The following PRELID2 variants were observed in gnomAD, a reference collection of about 807,000 sequenced individuals.
PRELID2 encodes the protein PRELI domain containing 2.
PRELID2 carries 25 observed loss-of-function variants against 28.4 expected under a neutral mutation model. The observed-to-expected ratio is 0.88, with a 90% CI of 0.64 to 1.23. The LOEUF (loss-of-function observed/expected upper bound fraction) is 1.23. Ranked by LOEUF, PRELID2 falls within the 50% of genes most tolerant of loss-of-function variation. The pLI is 0.00. For missense variants in PRELID2, 201 were observed against 214.4 expected, an observed-to-expected ratio of 0.94 and a Z score of 0.39; for synonymous variants, 76 against 71.6, an observed-to-expected ratio of 1.06 and a Z score of -0.31.
intron 1 of PRELID2, among the ~76,000 whole-genome samples, chr5:145,632,531 C>T (rs1034625520): frequency 6.6e-6 from 1 of 152,120 alleles, no homozygotes; most frequent in Non-Finnish European, 1.5e-5. Flanking sequence ...TATCATATCA[C>T]TTGTGACTCT....
At chr5:145,389,235 CTGAT>C in the PRELID2 span, among the ~76,000 whole-genome samples, 3 of 152,064 alleles carry the variant, frequency 2.0e-5, no homozygotes, top group Non-Finnish European at 4.4e-5. Flanking sequence ...TCAAAAATGA[CTGAT>C]TGATTGATTC....
intron 1 of PRELID2, among the ~76,000 whole-genome samples, chr5:145,663,497 G>A (rs911719174): frequency 5.3e-5 from 8 of 152,136 alleles, no homozygotes; most frequent in Non-Finnish European, 8.8e-5. Flanking sequence ...GAAGCTTCAC[G>A]GAGGAAGGGA....
intron 4 of PRELID2, among the ~76,000 whole-genome samples, chr5:145,800,303 C>CAT (rs1753045080): frequency 7.1e-6 from 1 of 140,510 alleles, no homozygotes; most frequent in Non-Finnish European, 1.5e-5. Flanking sequence ...CCTTCTCTTA[C>CAT]ACACACACAC....
chr5:145,334,456 C>T, the PRELID2 span, among the ~76,000 whole-genome samples: 74 of 152,096 alleles, frequency 4.9e-4, no homozygotes, highest in Admixed American at 5.9e-4. Flanking sequence ...TTTAAAAATA[C>T]TTTTGTCTTT....
chr5:145,261,967 A>T, the PRELID2 span, among the ~76,000 whole-genome samples: 2 of 152,188 alleles, frequency 1.3e-5, no homozygotes, highest in Non-Finnish European at 2.9e-5. Context: ...TGAATGGAAA[A>T]ATCTCCAGTG....
the PRELID2 span, among the ~76,000 whole-genome samples, chr5:145,347,926 A>G: frequency 6.6e-6 from 1 of 152,096 alleles, no homozygotes; most frequent in Non-Finnish European, 1.5e-5. Flanking sequence ...TGAGGGAAAG[A>G]CGCTTTACCA....
At chr5:145,230,206 C>T in the PRELID2 span, among the ~76,000 whole-genome samples, 2 of 152,076 alleles carry the variant, frequency 1.3e-5, no homozygotes, top group Non-Finnish European at 2.9e-5. Flanking sequence ...CGTGGTCCCC[C>T]CAAAGCCTGT....
At chr5:145,353,773 G>A in the PRELID2 span, among the ~76,000 whole-genome samples, 168 of 152,220 alleles carry the variant, frequency 1.1e-3, no homozygotes, top group Non-Finnish European at 2.2e-3. Context: ...GACACATGGG[G>A]ATTATGGGAA....
At chr5:145,589,690 A>T (rs1753202265) in intron 1 of PRELID2, among the ~76,000 whole-genome samples, 1 of 152,062 alleles carries the variant, frequency 6.6e-6, no homozygotes. Flanking sequence ...GCATTGCCAC[A>T]TTTATTGAAG....
At chr5:145,305,205 G>T in the PRELID2 span, among the ~76,000 whole-genome samples, 2 of 152,154 alleles carry the variant, frequency 1.3e-5, no homozygotes, top group Admixed American at 1.3e-4. Context: ...AAAGCAAAAG[G>T]ATGAGTAGTA....
chr5:145,407,240 G>C, the PRELID2 span, among the ~76,000 whole-genome samples: 5 of 152,184 alleles, frequency 3.3e-5, no homozygotes, highest in Admixed American at 1.3e-4. Flanking sequence ...CTGTGCATCA[G>C]CTCTCTGGAT....
chr5:145,341,727 A>G, the PRELID2 span, among the ~76,000 whole-genome samples: 1 of 152,182 alleles, frequency 6.6e-6, no homozygotes, highest in Non-Finnish European at 1.5e-5. Flanking sequence ...AAAAAAAAAA[A>G]AGGATGAGCA....
chr5:145,392,058 C>T, the PRELID2 span, among the ~76,000 whole-genome samples: 3 of 152,110 alleles, frequency 2.0e-5, no homozygotes, highest in African/African-American at 7.2e-5. Context: ...CTGTTCCGAC[C>T]TCTGTCTGTT....
At chr5:145,643,780 T>A (rs1754149690) in intron 1 of PRELID2, among the ~76,000 whole-genome samples, 1 of 152,218 alleles carries the variant, frequency 6.6e-6, no homozygotes, top group Non-Finnish European at 1.5e-5. Context: ...TCATGTGGTT[T>A]TTGTCATTGG....
At chr5:145,528,443 G>A (rs191802212) in intron 1 of PRELID2, among the ~76,000 whole-genome samples, 1 of 152,198 alleles carries the variant, frequency 6.6e-6, no homozygotes, top group Admixed American at 6.5e-5. Flanking sequence ...TAAAGGAGCT[G>A]TTCACCCAAC....
chr5:145,586,668 C>T (rs1753157718), intron 1 of PRELID2, among the ~76,000 whole-genome samples: 1 of 152,082 alleles, frequency 6.6e-6, no homozygotes, highest in Non-Finnish European at 1.5e-5. Context: ...CTCTTCCACC[C>T]CACAGAAGTC....
intron 1 of PRELID2, among the ~76,000 whole-genome samples, chr5:145,740,588 T>G (rs1312857818): frequency 4.3e-4 from 1 of 2,302 alleles, no homozygotes; most frequent in Non-Finnish European, 9.4e-4. Context: ...ATATTATATA[T>G]ATAAATATAT....
At chr5:145,831,392 T>A (rs12655088) in intron 1 of PRELID2, among the ~76,000 whole-genome samples, 3 of 152,130 alleles carry the variant, frequency 2.0e-5, no homozygotes, top group Non-Finnish European at 4.4e-5. Context: ...AACTGTGAGC[T>A]TATGGAGTGG....
At chr5:145,713,682 T>C (rs1755767200) in intron 1 of PRELID2, among the ~76,000 whole-genome samples, 2 of 97,978 alleles carry the variant, frequency 2.0e-5, no homozygotes, top group Non-Finnish European at 4.0e-5. Context: ...TATATATATA[T>C]ACACACACTA....
Sources: gnomAD v4.1 joint callset for allele counts (sites outside exome capture counted in the v4.1 genomes callset) on GRCh38, gnomAD v4.1.1 for gene constraint, MANE v1.5 for transcripts, NCBI Gene and HGNC (gene_info 2026-07-23, HGNC 2026-07-21) for gene names.